The following SPMAP2L variants were observed in gnomAD, a reference collection of about 807,000 sequenced individuals.
The protein encoded by SPMAP2L is sperm microtubule associated protein 2 like, also known as sperm microtubule associated protein 2-like.
the SPMAP2L span, among the ~76,000 whole-genome samples, chr4:56,575,900 T>G: frequency 6.6e-6 from 1 of 152,226 alleles, no homozygotes; most frequent in Non-Finnish European, 1.5e-5. Context: ...AAAGGAAATA[T>G]GCAACTAAAA....
the SPMAP2L span, among the ~76,000 whole-genome samples, chr4:56,573,242 A>G: frequency 6.6e-6 from 1 of 152,192 alleles, no homozygotes; most frequent in Non-Finnish European, 1.5e-5. Context: ...ATAAAATAAC[A>G]TATACACTTC....
the SPMAP2L span, among the ~76,000 whole-genome samples, chr4:56,532,832 C>G: frequency 6.6e-6 from 1 of 152,196 alleles, no homozygotes; most frequent in Non-Finnish European, 1.5e-5. Context: ...TTGGAAAGAT[C>G]TTGTCCTTCA....
At chr4:56,569,646 C>G in the SPMAP2L span, among the ~76,000 whole-genome samples, 3 of 152,048 alleles carry the variant, frequency 2.0e-5, no homozygotes, top group African/African-American at 7.2e-5. Context: ...CCTGTCTCTA[C>G]TAAAAATACA....
At chr4:56,603,197 C>T in the SPMAP2L span, 3 of 1,499,318 alleles carry the variant, frequency 2.0e-6, no homozygotes, top group South Asian at 1.3e-5. Context: ...ATTTCTTTTT[C>T]CCCTATTTCA....
the SPMAP2L span, among the ~76,000 whole-genome samples, chr4:56,592,524 A>G: frequency 6.6e-6 from 1 of 152,196 alleles, no homozygotes; most frequent in African/African-American, 2.4e-5. Flanking sequence ...GCGTCCATCC[A>G]TCTGTCCGGC....
At chr4:56,545,486 G>A in the SPMAP2L span, among the ~76,000 whole-genome samples, 1 of 152,102 alleles carries the variant, frequency 6.6e-6, no homozygotes, top group East Asian at 1.9e-4. Flanking sequence ...AGCACTTTGG[G>A]AGGCCAAGGT....
At chr4:56,534,049 C>A in the SPMAP2L span, among the ~76,000 whole-genome samples, 3 of 152,304 alleles carry the variant, frequency 2.0e-5, no homozygotes, top group Non-Finnish European at 4.4e-5. Flanking sequence ...CCCAAACCTT[C>A]CTTGAACCCC....
At chr4:56,600,379 C>A in the SPMAP2L span, among the ~76,000 whole-genome samples, 1 of 152,068 alleles carries the variant, frequency 6.6e-6, no homozygotes, top group Non-Finnish European at 1.5e-5. Flanking sequence ...CTGCAACCTC[C>A]GACTCCCTGG....
the SPMAP2L span, among the ~76,000 whole-genome samples, chr4:56,607,205 CT>C: frequency 6.6e-6 from 1 of 152,116 alleles, no homozygotes; most frequent in Non-Finnish European, 1.5e-5. Context: ...GGACTCTGCT[CT>C]AATAAATTGG....
the SPMAP2L span, among the ~76,000 whole-genome samples, chr4:56,552,914 C>T: frequency 3.9e-5 from 6 of 152,022 alleles, no homozygotes; most frequent in South Asian, 2.1e-4. Flanking sequence ...ATTCTATAGG[C>T]GGACAGACTT....
the SPMAP2L span, among the ~76,000 whole-genome samples, chr4:56,542,671 T>A: frequency 6.6e-6 from 1 of 152,172 alleles, no homozygotes; most frequent in Non-Finnish European, 1.5e-5. Context: ...GAATAAATTA[T>A]TTTTGGCAAG....
the SPMAP2L span, among the ~76,000 whole-genome samples, chr4:56,573,490 C>G: frequency 6.6e-6 from 1 of 152,128 alleles, no homozygotes; most frequent in Non-Finnish European, 1.5e-5. Flanking sequence ...GCTCTATTCT[C>G]CAAGCACATC....
chr4:56,608,276 A>G, the SPMAP2L span, among the ~76,000 whole-genome samples: 1 of 152,190 alleles, frequency 6.6e-6, no homozygotes, highest in African/African-American at 2.4e-5. Flanking sequence ...TTATAATTAA[A>G]AGAGAGGCAG....
At chr4:56,558,273 C>T in the SPMAP2L span, among the ~76,000 whole-genome samples, 2 of 152,114 alleles carry the variant, frequency 1.3e-5, no homozygotes, top group African/African-American at 4.8e-5. Flanking sequence ...GTCCAGCCAC[C>T]AAATTTTTCT....
the SPMAP2L span, among the ~76,000 whole-genome samples, chr4:56,550,587 G>A: frequency 1.3e-5 from 2 of 152,154 alleles, no homozygotes; most frequent in Non-Finnish European, 2.9e-5. Context: ...AATAATGTAT[G>A]CTGAGTGAGC....
the SPMAP2L span, among the ~76,000 whole-genome samples, chr4:56,588,989 AT>A: frequency 4.0e-5 from 6 of 149,658 alleles, no homozygotes; most frequent in Admixed American, 6.7e-5. Context: ...CTCTGTGCCT[AT>A]TTTTTTTTCT....
At chr4:56,615,781 A>T in the SPMAP2L span, among the ~76,000 whole-genome samples, 70 of 147,510 alleles carry the variant, frequency 4.7e-4, 1 homozygote, top group East Asian at 0.011. Context: ...ACAAACAAAC[A>T]AAATAAATAC....
At chr4:56,530,926 G>T in the SPMAP2L span, 2 of 1,535,046 alleles carry the variant, frequency 1.3e-6, no homozygotes, top group Admixed American at 3.9e-5. Context: ...TGAGTCCTAT[G>T]AGCCCCACGC....
the SPMAP2L span, chr4:56,594,784 C>A: frequency 1.3e-6 from 2 of 1,522,638 alleles, no homozygotes; most frequent in South Asian, 1.1e-5. Flanking sequence ...TTGAAGAGAA[C>A]ATCAGTGACG....
Sources: allele counts gnomAD v4.1 joint callset (sites outside exome capture counted in the v4.1 genomes callset), GRCh38; gene constraint gnomAD v4.1.1; transcripts MANE v1.5; gene names NCBI Gene and HGNC (gene_info 2026-07-23, HGNC 2026-07-21).